RPP40: variants seen among roughly 807,000 people sequenced by gnomAD.
RPP40 encodes the protein ribonuclease P protein subunit p40.
A neutral mutation model predicts 42.5 loss-of-function variants in RPP40; 30 were observed. That is an observed-to-expected ratio of 0.71 (90% CI 0.53 to 0.96). RPP40 has a LOEUF of 0.96. Ranked by LOEUF, RPP40 falls within the 40% of genes least tolerant of loss-of-function variation. The probability of loss-of-function intolerance (pLI) is 0.00; values close to 1 mark genes in which losing one functional copy is unlikely to be tolerated. For missense variants in RPP40, 426 were observed against 433.5 expected (o/e 0.98, Z 0.15); for synonymous variants, 173 against 164.0 (o/e 1.05, Z -0.42).
intron 4 of RPP40, among the ~76,000 whole-genome samples, 174 bp from the exon 5 acceptor site, chr6:4,999,015 G>A (rs1759465152): frequency 6.6e-6 from 1 of 152,018 alleles, no homozygotes; most frequent in Admixed American, 6.5e-5. Context: ...CCCTTTGGTG[G>A]GCACTTCTAA....
chr6:4,995,425 A>G (rs1759343708), intron 7 of RPP40, 149 bp from the exon 8 acceptor site: 1 of 632,938 alleles, frequency 1.6e-6, no homozygotes, highest in South Asian at 2.1e-5. Context: ...GAGGTGTGTG[A>G]TAAGTTCCTG....
chr6:5,002,338 T>C (rs1334061767), intron 1 of RPP40, 93 bp from the exon 2 acceptor site: 1 of 1,123,528 alleles, frequency 8.9e-7, no homozygotes, highest in Non-Finnish European at 1.3e-6. Flanking sequence ...AAGTTGTTAT[T>C]TCTCCACGAG....
At chr6:4,996,195 G>A (rs1260425408) in intron 6 of RPP40, 27 bp downstream of exon 6, 2 of 1,609,728 alleles carry the variant, frequency 1.2e-6, no homozygotes, top group Non-Finnish European at 1.7e-6. Context: ...CAGAGCCCTG[G>A]AAGACACAGG....
intron 7 of RPP40, 62 bp downstream of exon 7, chr6:4,995,889 A>G (rs1581317964): frequency 6.6e-7 from 1 of 1,506,356 alleles, no homozygotes; most frequent in Admixed American, 2.1e-5. Flanking sequence ...AAAAATCTAT[A>G]CTATTCGACA....
chr6:4,992,241 T>A (rs1184580086), downstream of RPP40, among the ~76,000 whole-genome samples: 2 of 151,876 alleles, frequency 1.3e-5, no homozygotes, highest in Non-Finnish European at 2.9e-5. Flanking sequence ...TGGTGGCGCA[T>A]GCCTGTAATC....
rs778000332 is a variant in RPP40 at position 4,995,172 on chromosome 6, T to C, written c.998A>G (p.Lys333Arg). 1.9e-6 allele frequency: 3 copies of C among 1,614,048 alleles called. No individual in the cohort carries two copies. In the African/African-American group the frequency reaches 4.0e-5, roughly 22 times the overall value. The change falls in exon 8 of 8, where the codon AAA becomes AGA. Residue 333 changes from lysine to arginine, a missense_variant. By Grantham distance (26) the Lys-to-Arg change is conservative (BLOSUM62 2). Coordinates refer to ENST00000380051, the MANE Select transcript of RPP40 (RefSeq NM_006638.4). ...SWEKNEHGFR[K>R]GGEHLYNFVI... ...AAAGTTATATAAATGTTCTCCTCCTTTTCGAAAACCATGTTCATTTTTTTC... is the reference window on the plus strand; with the variant it reads ...AAAGTTATATAAATGTTCTCCTCCTCTTCGAAAACCATGTTCATTTTTTTC...
rs1192015506 is a variant in RPP40 at position 5,001,074 on chromosome 6, G to A, written c.269-443C>T. The A allele has an allele frequency of 1.7e-5, 8 of 457,340 alleles. No homozygotes were observed. The East Asian group carries it at 2.1e-4, about 12-fold the overall frequency. The allele number at this position is 457,340 out of a possible 1,614,324, so 28.3% of individuals were successfully genotyped here. On this transcript the variant is annotated intron_variant, in intron 2 of 7. Transcript: ENST00000380051. ...GTTTACTATCATCAAGCAAAAAACT[G>A]ACTCAGAACGGAACGTGACCTTTGG...
chr6:4,992,454 C>T (rs1213866244), downstream of RPP40, among the ~76,000 whole-genome samples: 1 of 151,202 alleles, frequency 6.6e-6, no homozygotes, highest in African/African-American at 2.4e-5. Flanking sequence ...TCAGATATTT[C>T]TTTATGGCAG....
chr6:4,990,551 A>T (rs1205651812), downstream of RPP40, among the ~76,000 whole-genome samples: 1 of 151,756 alleles, frequency 6.6e-6, no homozygotes, highest in African/African-American at 2.4e-5. Context: ...TGGTGTGATC[A>T]TTGCTCACCG....
In RPP40 at chr6:5,000,649, G is replaced by C. The variant is rs1242326189; in HGVS notation, c.269-18C>G. 1.3e-6 allele frequency: 2 copies of C among 1,500,948 alleles called. No homozygotes were observed. The highest frequency in any genetic ancestry group is 1.8e-6 in the Non-Finnish European group (2 of 1,088,388). 93.0% of individuals were successfully genotyped at this position (1,500,948 alleles called of 1,614,324 possible). A position where few individuals can be genotyped will look rare whatever the true frequency, so the allele number is the denominator to read the frequency against. ...GCAAGAACCTGGAAGAGAAAGTACA[G>C]AGGAAAAATTTAAAACAAGAAATTA... On this transcript the variant is annotated intron_variant, in intron 2 of 7. Transcript: ENST00000380051.
downstream of RPP40, among the ~76,000 whole-genome samples, chr6:4,992,467 C>A (rs577546894): frequency 1.3e-5 from 2 of 151,652 alleles, no homozygotes; most frequent in Non-Finnish European, 2.9e-5. Context: ...TATGGCAGTG[C>A]GAGAATTGAC....
chr6:5,000,487 T>C (rs2764108), intron 3 of RPP40, 76 bp downstream of exon 3: 739,165 of 841,854 alleles, frequency 0.88, 327,003 homozygotes, highest in East Asian at 1. Context: ...CGTGCCCAGC[T>C]GACTTTTTTT....
intron 2 of RPP40, among the ~76,000 whole-genome samples, chr6:5,000,929 TGC>T (rs1313586958): frequency 2.7e-5 from 4 of 150,648 alleles, no homozygotes. Context: ...AGACCAAGCA[TGC>T]AGAAGAACAA....
chr6:4,998,051 C>T (rs1236900323), intron 5 of RPP40, among the ~76,000 whole-genome samples: 1 of 152,128 alleles, frequency 6.6e-6, no homozygotes, highest in Non-Finnish European at 1.5e-5. Context: ...CTTGGAGCAC[C>T]CAGTGACGAG....
chr6:5,000,729 T>C, intron 2 of RPP40, 98 bp from the exon 3 acceptor site: 1 of 805,686 alleles, frequency 1.2e-6, no homozygotes, highest in South Asian at 1.5e-5. Context: ...TTCCGGGTCA[T>C]TAAAGGTCAG....
At position 5,003,869 on chromosome 6, in the gene RPP40, G is replaced by T. The variant is rs1381342963; in HGVS notation, c.123+11C>A. 1 of 1,605,672 alleles carries T rather than the reference G, an allele frequency of 6.2e-7. No homozygotes were observed. ...AGCACGGCCCGAAAAGCCGAGGACA[G>T]CCGGACTCACCCTGTAGTTATAGTA... On this transcript the variant is annotated intron_variant, in intron 1 of 7. Transcript: ENST00000380051.
Position 4,996,286 on chromosome 6 carries a change from C to T in RPP40, c.694G>A (p.Glu232Lys). The T allele has an allele frequency of 3.7e-6, 6 of 1,614,152 alleles. No homozygotes were observed. The Admixed American group carries it at 1.0e-4, about 27-fold the overall frequency. Reference protein sequence around the residue: ...LQSSELEGTPEVSCRALELFD... With the variant: ...LQSSELEGTPKVSCRALELFD... The stretch of plus-strand genomic sequence containing the variant: ...AGCTCCAGAGCCCGGCAGGACACCT[C>T]TGGCGTTCCCTCCAGCTCGCTGCTC... The change falls in exon 6 of 8, where the codon GAG (glutamate) becomes AAG (lysine). Residue 232 changes from glutamate to lysine, a missense_variant. Physicochemically the swap from Glu to Lys is moderately conservative, Grantham distance 56. Coordinates refer to ENST00000380051, the MANE Select transcript of RPP40 (RefSeq NM_006638.4).
Position 4,995,887 on chromosome 6 carries a change from A to G in RPP40, c.893+64T>C, listed in dbSNP as rs545199469. 101 of 1,502,130 alleles carry G rather than the reference A, an allele frequency of 6.7e-5. 3 individuals carry two copies. In the South Asian group the frequency reaches 1.2e-3, roughly 18 times the overall value. 93.1% of individuals were successfully genotyped at this position (1,502,130 alleles called of 1,614,324 possible). A position where few individuals can be genotyped will look rare whatever the true frequency, so the allele number is the denominator to read the frequency against. On this transcript the variant is annotated intron_variant, in intron 7 of 7. Coordinates refer to ENST00000380051, the MANE Select transcript of RPP40 (RefSeq NM_006638.4). ...ACCACCTCCCAAAATGAAAAAATCT[A>G]TACTATTCGACATACTGTTCTATAG...
chr6:4,993,726 T>C (rs1290431135), downstream of RPP40, among the ~76,000 whole-genome samples: 2 of 152,346 alleles, frequency 1.3e-5, no homozygotes, highest in African/African-American at 2.4e-5. Context: ...TGCTGTTATA[T>C]ATAAATCCTG....
Sources: allele counts gnomAD v4.1 joint callset (sites outside exome capture counted in the v4.1 genomes callset), GRCh38; gene constraint gnomAD v4.1.1; transcripts MANE v1.5; gene names NCBI Gene and HGNC (gene_info 2026-07-23, HGNC 2026-07-21).